The following CSMD1 variants were observed in gnomAD, a reference collection of about 807,000 sequenced individuals.
The protein encoded by CSMD1 is CUB and sushi domain-containing protein 1.
CSMD1 carries 213 observed loss-of-function variants against 417.5 expected under a neutral mutation model. The ratio of observed to expected loss-of-function variants is 0.51; its 90% CI spans 0.46 to 0.57. The LOEUF (loss-of-function observed/expected upper bound fraction) is 0.57. CSMD1 is among the 20% of genes least tolerant of loss of function. The pLI is 0.00. For synonymous variants in CSMD1, 2,862 were observed against 1,736.8 expected, an observed-to-expected ratio of 1.65 and a Z score of -16.11; for missense variants, 6,923 against 4,529.7, an observed-to-expected ratio of 1.53 and a Z score of -15.17.
intron 3 of CSMD1, among the ~76,000 whole-genome samples, chr8:4,198,964 G>T (rs1401712621): frequency 6.6e-6 from 1 of 151,520 alleles, no homozygotes; most frequent in Admixed American, 6.6e-5. Context: ...TTTTAAGACA[G>T]TACTGTTGCT....
intron 5 of CSMD1, among the ~76,000 whole-genome samples, chr8:3,909,073 A>C (rs1010320833): frequency 2.0e-5 from 3 of 152,106 alleles, no homozygotes; most frequent in African/African-American, 7.2e-5. Flanking sequence ...AGGCCTTTGG[A>C]GAATTCTAGT....
intron 12 of CSMD1, among the ~76,000 whole-genome samples, chr8:3,448,301 T>C (rs1585179270): frequency 1.4e-4 from 1 of 7,100 alleles, no homozygotes; most frequent in South Asian, 7.4e-3. Context: ...CTGAAACTGG[T>C]GGGAAGGAAG....
chr8:4,449,740 G>A (rs968633132), intron 2 of CSMD1, among the ~76,000 whole-genome samples: 3 of 152,160 alleles, frequency 2.0e-5, no homozygotes, highest in Non-Finnish European at 2.9e-5. Flanking sequence ...GTCGGGTGTA[G>A]AAAGAGAAAC....
chr8:4,667,765 C>A (rs1244162310), intron 1 of CSMD1, among the ~76,000 whole-genome samples: 2 of 152,150 alleles, frequency 1.3e-5, no homozygotes, highest in Non-Finnish European at 2.9e-5. Flanking sequence ...TTGTATATTG[C>A]TTAGAATTTT....
chr8:4,226,916 G>C (rs1801396608), intron 3 of CSMD1, among the ~76,000 whole-genome samples: 1 of 152,144 alleles, frequency 6.6e-6, no homozygotes, highest in Non-Finnish European at 1.5e-5. Context: ...TGTTGTTGTT[G>C]TCACTTTCTG....
intron 10 of CSMD1, among the ~76,000 whole-genome samples, chr8:3,527,056 G>T (rs1381197696): frequency 1.3e-5 from 2 of 151,898 alleles, no homozygotes; most frequent in Non-Finnish European, 2.9e-5. Context: ...ATGCATGCCG[G>T]GTCAGTGCCA....
At chr8:3,908,958 G>T (rs1808283585) in intron 5 of CSMD1, among the ~76,000 whole-genome samples, 1 of 152,294 alleles carries the variant, frequency 6.6e-6, no homozygotes, top group African/African-American at 2.4e-5. Context: ...CTTCACTACT[G>T]TTCTCCTTCA....
intron 52 of CSMD1, among the ~76,000 whole-genome samples, chr8:3,008,608 T>G (rs945556822): frequency 2.1e-5 from 3 of 146,084 alleles, no homozygotes; most frequent in Admixed American, 6.7e-5. Flanking sequence ...ACGAATCCGG[T>G]TCCTTCAGAA....
chr8:4,443,128 G>A (rs1030793438), intron 2 of CSMD1, among the ~76,000 whole-genome samples: 4 of 152,022 alleles, frequency 2.6e-5, no homozygotes, highest in African/African-American at 7.3e-5. Flanking sequence ...AGTGGTAGCT[G>A]GTATAGCAAC....
chr8:3,369,236 C>T lies in CSMD1; in HGVS notation c.2899+18G>A, dbSNP rs376480507. 1.5e-5 allele frequency: 18 copies of T among 1,196,490 alleles called. No homozygotes were observed. The highest frequency in any genetic ancestry group is 4.5e-5 in the African/African-American group (3 of 66,572). 74.1% of individuals were successfully genotyped at this position (1,196,490 alleles called of 1,614,324 possible). A position where few individuals can be genotyped will look rare whatever the true frequency, so the allele number is the denominator to read the frequency against. ...CATTTATTAGTCTGTATGTTTGAGA[C>T]CTATGATAGATTCTTACCTTTCCCA... is the stretch of plus-strand genomic sequence containing the variant. On this transcript the variant is annotated intron_variant, in intron 19 of 69. Coordinates refer to ENST00000635120, the MANE Select transcript of CSMD1 (RefSeq NM_033225.6).
chr8:3,207,408 G>T (rs569816135), intron 30 of CSMD1, among the ~76,000 whole-genome samples: 25 of 151,814 alleles, frequency 1.6e-4, no homozygotes, highest in African/African-American at 5.6e-4. Flanking sequence ...CTCCCAAAGT[G>T]CTGGGATTAC....
At chr8:4,824,468 T>C (rs893332032) in intron 1 of CSMD1, among the ~76,000 whole-genome samples, 3 of 152,162 alleles carry the variant, frequency 2.0e-5, no homozygotes, top group African/African-American at 7.2e-5. Flanking sequence ...ACTATTTTTC[T>C]TGTTTAAAGA....
chr8:3,082,322 G>T (rs1260713894), intron 49 of CSMD1, among the ~76,000 whole-genome samples: 4 of 152,180 alleles, frequency 2.6e-5, no homozygotes, highest in African/African-American at 7.2e-5. Flanking sequence ...AAGGACAAAA[G>T]CTGAAAGCCA....
At chr8:3,093,949 T>C (rs1815123652) in intron 47 of CSMD1, among the ~76,000 whole-genome samples, 2 of 152,084 alleles carry the variant, frequency 1.3e-5, no homozygotes, top group African/African-American at 4.8e-5. Context: ...GTTTGGTATG[T>C]TGGTTTGCTT....
At chr8:4,905,631 A>G (rs1027626698) in intron 1 of CSMD1, among the ~76,000 whole-genome samples, 2 of 151,724 alleles carry the variant, frequency 1.3e-5, no homozygotes, top group Non-Finnish European at 2.9e-5. Flanking sequence ...CATCCTGGCT[A>G]ACACGGTGAA....
At chr8:4,927,693 A>T (rs1363711211) in intron 1 of CSMD1, among the ~76,000 whole-genome samples, 1 of 152,288 alleles carries the variant, frequency 6.6e-6, no homozygotes, top group East Asian at 1.9e-4. Context: ...ACTAGGGCTA[A>T]GGGAGTAGAT....
chr8:4,367,282 GA>G (rs970853957), intron 3 of CSMD1, among the ~76,000 whole-genome samples: 6 of 152,154 alleles, frequency 3.9e-5, no homozygotes, highest in African/African-American at 1.4e-4. Context: ...CATGAGTCTA[GA>G]CAGTTTTCCC....
intron 5 of CSMD1, among the ~76,000 whole-genome samples, chr8:3,955,666 G>C (rs1335291004): frequency 1.3e-5 from 2 of 152,098 alleles, no homozygotes; most frequent in African/African-American, 2.4e-5. Flanking sequence ...GATTCTAAAA[G>C]AGTGTCTCAG....
intron 6 of CSMD1, among the ~76,000 whole-genome samples, chr8:3,748,908 A>C (rs1357074967): frequency 2.0e-5 from 3 of 152,236 alleles, no homozygotes; most frequent in African/African-American, 4.8e-5. Flanking sequence ...TATGAGATGA[A>C]TGTTCCCTAT....
Sources: gnomAD v4.1 joint callset for allele counts (sites outside exome capture counted in the v4.1 genomes callset) on GRCh38, gnomAD v4.1.1 for gene constraint, MANE v1.5 for transcripts, NCBI Gene and HGNC (gene_info 2026-07-23, HGNC 2026-07-21) for gene names.